Variants in SUN1 observed in about 807,000 individuals in gnomAD.
The protein encoded by SUN1 is SUN domain-containing protein 1.
In SUN1, 61 loss-of-function variants were observed where a neutral mutation model predicts 103.2. The ratio of observed to expected loss-of-function variants is 0.59; its 90% CI spans 0.48 to 0.73. SUN1 has a LOEUF of 0.73. SUN1 is among the 30% of genes least tolerant of loss of function. The probability of loss-of-function intolerance (pLI) is 0.00; values close to 1 mark genes in which losing one functional copy is unlikely to be tolerated. For synonymous variants in SUN1, 490 were observed against 425.7 expected, an observed-to-expected ratio of 1.15 and a Z score of -1.86; for missense variants, 1,052 against 1,034.6, an observed-to-expected ratio of 1.02 and a Z score of -0.23.
intron 16 of SUN1, chr7:868,436 G>T (rs1838876882): frequency 3.3e-6 from 1 of 301,186 alleles, no homozygotes; most frequent in Non-Finnish European, 6.5e-6. Flanking sequence ...GGCCGGGTTA[G>T]GTTAGAACGT....
intron 1 of SUN1, chr7:817,327 G>T: frequency 8.3e-7 from 1 of 1,203,568 alleles, no homozygotes. Context: ...AGGCTCAAGC[G>T]ATCCCCTCGC....
At position 838,486 on chromosome 7, in the gene SUN1, G is replaced by A. The variant is rs1171387320; in HGVS notation, c.78-312G>A. ...CTGATGTGTTTATAGCAAGGACGTA[G>A]GTGGGGACTCAGGGCTCTAGCATAT... On this transcript the variant is annotated intron_variant, in intron 1 of 18. Coordinates refer to ENST00000401592, the MANE Select transcript of SUN1 (RefSeq NM_001130965.3). Among the ~76,000 whole-genome samples, 3 of 152,194 alleles carry A rather than the reference G, an allele frequency of 2.0e-5. No homozygotes were observed. In the East Asian group the frequency reaches 5.8e-4, roughly 29 times the overall value.
upstream of SUN1, among the ~76,000 whole-genome samples, chr7:830,481 G>T (rs1796933346): frequency 6.6e-6 from 1 of 152,204 alleles, no homozygotes; most frequent in South Asian, 2.1e-4. Flanking sequence ...TTTGTACATA[G>T]ATGCATTTTA....
rs371817690 is a variant in SUN1, at chr7:838,920, A to G, written c.200A>G (p.Asp67Gly). The G allele has an allele frequency of 5.0e-6, 8 of 1,610,512 alleles. No individual in the cohort carries two copies. The highest frequency in any genetic ancestry group is 6.8e-6 in the Non-Finnish European group (8 of 1,178,950). ...GCCACGACAGCATGCACCCTGGGGG[A>G]TGGTGAGGCTGTGGGTGCCGACAGC... is the stretch of plus-strand genomic sequence containing the variant. The part of the protein sequence containing the change: ...RLATTACTLG[D>G]GEAVGADSGT... Residue 67 changes from aspartate (D) to glycine (G), a missense_variant, in exon 2 of 19, where the codon GAT becomes GGT. This residue lies in a region of SUN1 where 846 missense variants were observed against 774.5 expected (regional missense o/e 1.09). Transcript: ENST00000401592.
At chr7:828,460 C>T (rs983818444), upstream of SUN1, among the ~76,000 whole-genome samples, 1 of 151,380 alleles carries the variant, frequency 6.6e-6, no homozygotes, top group Non-Finnish European at 1.5e-5. Context: ...TTAGTAGAGA[C>T]GGGGTTTCAC....
chr7:868,262 G>T (rs985223197), intron 16 of SUN1, among the ~76,000 whole-genome samples: 2 of 152,256 alleles, frequency 1.3e-5, no homozygotes, highest in Non-Finnish European at 2.9e-5. Flanking sequence ...CAACTTGTCA[G>T]TCAGTCCCTG....
rs768400872 is a variant in SUN1, at chr7:853,636, AC to A, written c.1263+20del. 1.3e-6 allele frequency: 2 copies of A among 1,597,002 alleles called. No homozygotes were observed. The highest frequency in any genetic ancestry group is 2.2e-5 in the South Asian group (2 of 90,790). ...CGAGGGAGGTGGGTGCTGCCGGGCT[AC>A]CAGGCTCCATGGTGACACCAACGCG... On this transcript the variant is annotated intron_variant, in intron 10 of 18. Transcript: ENST00000401592.
chr7:840,585 C>G (rs910773257), intron 2 of SUN1, among the ~76,000 whole-genome samples: 1 of 151,732 alleles, frequency 6.6e-6, no homozygotes, highest in Non-Finnish European at 1.5e-5. Flanking sequence ...GATGGCTTTC[C>G]TGTTGTCATT....
At chr7:842,165 C>CAGTTGG (rs1291783764) in intron 3 of SUN1, 35 bp downstream of exon 3, 3 of 1,598,332 alleles carry the variant, frequency 1.9e-6, no homozygotes, top group Non-Finnish European at 2.6e-6. Flanking sequence ...GTCCCGCCTA[C>CAGTTGG]AGTTGGGGTG....
At chr7:852,361 A>G in intron 7 of SUN1, 2 of 603,704 alleles carry the variant, frequency 3.3e-6, no homozygotes, top group Non-Finnish European at 5.8e-6. Flanking sequence ...TGTGATCCGA[A>G]GGGGCAGCGA....
Position 817,643 on chromosome 7 carries a change from A to G in SUN1, c.-74+970A>G, listed in dbSNP as rs908636821. ...TTGCCCATGAAGTGCTTGCGGCTCT[A>G]ATTGCTAAAGCTTTGTATGAAGGCT... On this transcript the variant is annotated intron_variant, in intron 1 of 17. Coordinates refer to the SUN1 transcript ENST00000389574. 1.1e-5 allele frequency: 11 copies of G among 998,784 alleles called. No individual in the cohort carries two copies. The Admixed American group carries it at 1.6e-4, about 15-fold the overall frequency. The allele number at this position is 998,784 out of a possible 1,614,324, so 61.9% of individuals were successfully genotyped here. A position where few individuals can be genotyped will look rare whatever the true frequency, so the allele number is the denominator to read the frequency against.
chr7:861,157 T>C (rs1037435142), intron 14 of SUN1, among the ~76,000 whole-genome samples: 3 of 152,196 alleles, frequency 2.0e-5, no homozygotes, highest in African/African-American at 7.2e-5. Flanking sequence ...GGCTGAGACC[T>C]GGGGGAAGAG....
chr7:841,807 T>C, intron 2 of SUN1, 139 bp from the exon 3 acceptor site: 1 of 836,720 alleles, frequency 1.2e-6, no homozygotes, highest in Non-Finnish European at 1.8e-6. Flanking sequence ...GTTGATTCAT[T>C]ACAGCAGAAA....
chr7:853,017 C>G, intron 9 of SUN1, 65 bp downstream of exon 9: 1 of 1,533,578 alleles, frequency 6.5e-7, no homozygotes, highest in Non-Finnish European at 8.7e-7. Context: ...ACGTTCCACA[C>G]TGCTGTGAGC....
upstream of SUN1, among the ~76,000 whole-genome samples, chr7:830,413 A>G (rs966657977): frequency 8.5e-5 from 13 of 152,148 alleles, no homozygotes. Flanking sequence ...TGGGTAAGGA[A>G]CCCTGTTACC....
chr7:817,746 G>C (rs974594944), intron 1 of SUN1, among the ~76,000 whole-genome samples: 2 of 152,158 alleles, frequency 1.3e-5, no homozygotes, highest in Non-Finnish European at 2.9e-5. Flanking sequence ...CTCATCTGTT[G>C]TTGGACACTT....
chr7:828,222 C>T (rs531121623), upstream of SUN1, among the ~76,000 whole-genome samples: 14 of 151,290 alleles, frequency 9.3e-5, no homozygotes, highest in South Asian at 2.9e-3. Context: ...TTTTAAAACC[C>T]TGCTAGGATA....
chr7:862,950 G>A (rs7800310), intron 15 of SUN1, among the ~76,000 whole-genome samples: 67,666 of 151,908 alleles, frequency 0.45, 15,117 homozygotes, highest in East Asian at 0.5. Context: ...AGGAGATCCT[G>A]GCTGACAGGG....
chr7:837,946 A>G (rs1010721141), intron 1 of SUN1, among the ~76,000 whole-genome samples: 4 of 152,266 alleles, frequency 2.6e-5, no homozygotes, highest in African/African-American at 4.8e-5. Flanking sequence ...TCAGCATTCA[A>G]CATAGCTTAG....
Sources: allele counts gnomAD v4.1 joint callset (sites outside exome capture counted in the v4.1 genomes callset), GRCh38; gene constraint gnomAD v4.1.1; regional missense constraint gnomAD v4.1.1; transcripts MANE v1.5; gene names NCBI Gene and HGNC (gene_info 2026-07-23, HGNC 2026-07-21).